The following NAV2 variants were observed in gnomAD, a reference collection of about 807,000 sequenced individuals.
The protein encoded by NAV2 is neuron navigator 2.
In NAV2, 54 loss-of-function variants were observed where a neutral mutation model predicts 223.2. The ratio of observed to expected loss-of-function variants is 0.24; its 90% CI spans 0.19 to 0.30. NAV2 has a LOEUF of 0.30. Ranked by LOEUF, NAV2 falls within the 10% of genes least tolerant of loss-of-function variation. The pLI, the probability that NAV2 is intolerant of heterozygous loss-of-function variation, is 1.00. For missense variants in NAV2, 2,806 were observed against 3,147.5 expected (o/e 0.89, Z 2.60); for synonymous variants, 1,279 against 1,239.3 (o/e 1.03, Z -0.67).
rs559832504 is a variant in NAV2 at position 20,075,232 on chromosome 11, T to G, written c.4984-2320T>G. On this transcript the variant is annotated intron_variant, in intron 22 of 37. Transcript: ENST00000349880. ...TTGTTTTTTTGTTTTGTTTTTTTTT[T>G]TTTTGAGACAGAGTCTCATCCCGCT... 4.6e-4 allele frequency among the ~76,000 whole-genome samples: 67 copies of G among 147,184 alleles called. 1 individual carries two copies. Among genetic ancestry groups the G allele is most frequent in the South Asian group, 1.3e-3 (6 of 4,626 alleles).
chr11:19,999,345 A>T (rs967980877), intron 11 of NAV2, among the ~76,000 whole-genome samples: 5 of 152,328 alleles, frequency 3.3e-5, no homozygotes, highest in African/African-American at 1.2e-4. Context: ...TGACTGGTTT[A>T]ACCCAGTCTA....
At chr11:20,058,306 TG>T (rs1374846115) in intron 19 of NAV2, among the ~76,000 whole-genome samples, 1 of 152,216 alleles carries the variant, frequency 6.6e-6, no homozygotes, top group Non-Finnish European at 1.5e-5. Flanking sequence ...GTGAGGTTTT[TG>T]TGCAATTTAA....
chr11:19,671,067 G>T (rs2048561423), intron 1 of NAV2, among the ~76,000 whole-genome samples: 1 of 152,220 alleles, frequency 6.6e-6, no homozygotes, highest in Non-Finnish European at 1.5e-5. Flanking sequence ...GCACAGAGCA[G>T]GCTGGAGCTT....
intron 6 of NAV2, among the ~76,000 whole-genome samples, chr11:19,897,338 T>A (rs915002594): frequency 2.0e-5 from 3 of 151,986 alleles, no homozygotes; most frequent in South Asian, 2.1e-4. Flanking sequence ...CATATGTAAC[T>A]AACCTGCACG....
At chr11:19,813,019 G>C (rs935412794) in intron 1 of NAV2, among the ~76,000 whole-genome samples, 1 of 151,832 alleles carries the variant, frequency 6.6e-6, no homozygotes, top group Non-Finnish European at 1.5e-5. Flanking sequence ...TCTGGAATCC[G>C]GCACCCATGC....
Position 19,939,780 on chromosome 11 carries a change from A to G in NAV2, c.2146+7A>G. 6.2e-7 allele frequency: 1 copy of G among 1,603,208 alleles called. No homozygotes were observed. Among genetic ancestry groups the G allele is most frequent in the Non-Finnish European group, 8.5e-7 (1 of 1,170,530 alleles). On this transcript the variant is annotated splice_region_variant and intron_variant, in intron 8 of 37. Transcript: ENST00000349880. ...GCTCTGGAAGAACTCACTGGTGAGT[A>G]TGGAGCCTCAGAAATCTGTGTCTGT...
chr11:19,610,560 A>G (rs1347980219), intron 1 of NAV2, among the ~76,000 whole-genome samples: 2 of 152,226 alleles, frequency 1.3e-5, no homozygotes, highest in Admixed American at 1.3e-4. Context: ...TCAGAGCTTG[A>G]AGAGCTTTGT....
Position 19,526,324 on chromosome 11 carries a change from T to G in NAV2, c.75+175297T>G, listed in dbSNP as rs984629362. ...TGTTTTCGTCCTCTGTTAGGTAATA[T>G]CTTGCATAACTTGAAGTCACAAAAC... is the stretch of plus-strand genomic sequence containing the variant. On this transcript the variant is annotated intron_variant, in intron 1 of 37. Coordinates refer to the NAV2 transcript ENST00000360655. Among the ~76,000 whole-genome samples the G allele has an allele frequency of 5.9e-5, 9 of 152,312 alleles. No homozygotes were observed. The South Asian group carries it at 1.9e-3, about 32-fold the overall frequency.
intron 11 of NAV2, among the ~76,000 whole-genome samples, chr11:19,991,696 G>GTTT (rs1565717531): frequency 7.9e-5 from 12 of 152,134 alleles, no homozygotes; most frequent in African/African-American, 2.9e-4. Context: ...AACACAACCC[G>GTTT]TGTTTCATCC....
chr11:19,801,735 C>T (rs1023978284), intron 1 of NAV2, among the ~76,000 whole-genome samples: 22 of 152,180 alleles, frequency 1.4e-4, no homozygotes, highest in African/African-American at 5.3e-4. Context: ...CAAATCCCGG[C>T]ACTATCACTT....
intron 6 of NAV2, 66 bp downstream of exon 6, chr11:19,892,660 G>T (rs1003545597): frequency 1.3e-6 from 2 of 1,532,322 alleles, no homozygotes; most frequent in South Asian, 1.3e-5. Flanking sequence ...TAGTTCCTTC[G>T]GGTGAATTGG....
intron 1 of NAV2, among the ~76,000 whole-genome samples, chr11:19,557,627 C>A (rs1040095458): frequency 6.6e-6 from 1 of 152,180 alleles, no homozygotes; most frequent in Non-Finnish European, 1.5e-5. Flanking sequence ...CATGTGGTCA[C>A]GTAGACACAC....
chr11:19,397,590 G>A (rs1849513065), intron 1 of NAV2, among the ~76,000 whole-genome samples: 1 of 152,056 alleles, frequency 6.6e-6, no homozygotes, highest in Non-Finnish European at 1.5e-5. Context: ...TATTATTTTT[G>A]CATGTATATT....
chr11:19,399,703 A>C (rs917586122), intron 1 of NAV2, among the ~76,000 whole-genome samples: 10 of 152,238 alleles, frequency 6.6e-5, no homozygotes, highest in Non-Finnish European at 1.3e-4. Context: ...ATTTATGATG[A>C]GAAAACTGAG....
At chr11:20,114,441 G>C in intron 36 of NAV2, 151 bp from the exon 37 acceptor site, 1 of 698,838 alleles carries the variant, frequency 1.4e-6, no homozygotes, top group Non-Finnish European at 2.4e-6. Context: ...CTGCATCTTG[G>C]ATGACTTCCT....
At chr11:19,544,863 T>TGA (rs1189298466) in intron 1 of NAV2, among the ~76,000 whole-genome samples, 1 of 152,182 alleles carries the variant, frequency 6.6e-6, no homozygotes, top group African/African-American at 2.4e-5. Context: ...CTAATTTCCT[T>TGA]GAGAGAGAGT....
intron 31 of NAV2, among the ~76,000 whole-genome samples, chr11:20,100,451 T>C (rs2061550642): frequency 6.6e-6 from 1 of 152,052 alleles, no homozygotes; most frequent in African/African-American, 2.4e-5. Flanking sequence ...ACCTGGTATG[T>C]GGGAGGGAGC....
intron 1 of NAV2, among the ~76,000 whole-genome samples, chr11:19,463,360 C>T (rs960026567): frequency 6.6e-6 from 1 of 152,198 alleles, no homozygotes; most frequent in Non-Finnish European, 1.5e-5. Flanking sequence ...CTAAACTGGC[C>T]TACCCGTCTC....
rs761960581 is a variant in NAV2 at position 19,879,906 on chromosome 11, C to G, written c.549C>G (p.Leu183=). 6.2e-7 allele frequency: 1 copy of G among 1,613,908 alleles called. No homozygotes were observed. The highest frequency in any genetic ancestry group is 8.5e-7 in the Non-Finnish European group (1 of 1,180,048). ...GAAACCTCAAGGCCATTCTAGGCCT[C>G]TTCTTCAGCCTCTCCCGATACAAGC... ...RNGNLKAILG[L]FFSLSRYKQQ... Residue 183 remains leucine (L), a synonymous_variant, in exon 5 of 38, where the codon CTC becomes CTG. Transcript: ENST00000349880.
Sources: allele counts gnomAD v4.1 joint callset (sites outside exome capture counted in the v4.1 genomes callset), GRCh38; gene constraint gnomAD v4.1.1; transcripts MANE v1.5; gene names NCBI Gene and HGNC (gene_info 2026-07-23, HGNC 2026-07-21).